The following CD44 variants were observed in gnomAD, a reference collection of about 807,000 sequenced individuals.
CD44 encodes the protein CD44 antigen.
Under a neutral mutation model 88.8 loss-of-function variants are expected in CD44, and 49 were observed. The observed-to-expected ratio is 0.55, with a 90% CI of 0.44 to 0.70. The LOEUF is 0.70. Among genes scored for constraint, CD44 ranks in the 30% least tolerant of loss-of-function variants. CD44 has a pLI of 0.00. For synonymous variants in CD44, 325 were observed against 312.3 expected (o/e 1.04, Z -0.43); for missense variants, 883 against 913.8 (o/e 0.97, Z 0.43).
intron 2 of CD44, among the ~76,000 whole-genome samples, chr11:35,178,086 A>C (rs551175436): frequency 6.6e-6 from 1 of 152,244 alleles, no homozygotes; most frequent in Non-Finnish European, 1.5e-5. Context: ...CTGAACTTGC[A>C]CTGTAGGATG....
At chr11:35,209,468 T>C (rs1270191497) in intron 12 of CD44, among the ~76,000 whole-genome samples, 1 of 152,200 alleles carries the variant, frequency 6.6e-6, no homozygotes, top group Non-Finnish European at 1.5e-5. Flanking sequence ...CTGTGTTACT[T>C]GAGTAGGCTA....
At chr11:35,143,493 A>G (rs759112338) in intron 1 of CD44, among the ~76,000 whole-genome samples, 1 of 152,092 alleles carries the variant, frequency 6.6e-6, no homozygotes, top group Non-Finnish European at 1.5e-5. Context: ...TGGAGATGGC[A>G]TGACTTGCCC....
chr11:35,157,058 G>A (rs1941961015), intron 1 of CD44, among the ~76,000 whole-genome samples: 1 of 152,096 alleles, frequency 6.6e-6, no homozygotes, highest in Non-Finnish European at 1.5e-5. Flanking sequence ...AAAAGAAATA[G>A]CCTGTCTACT....
chr11:35,194,266 T>C (rs1946529325), intron 5 of CD44, among the ~76,000 whole-genome samples: 1 of 152,310 alleles, frequency 6.6e-6, no homozygotes, highest in Non-Finnish European at 1.5e-5. Context: ...CCTAAGATTG[T>C]GGGAGACATT....
At chr11:35,176,183 C>T (rs1391608328) in intron 1 of CD44, among the ~76,000 whole-genome samples, 1 of 152,046 alleles carries the variant, frequency 6.6e-6, no homozygotes, top group Non-Finnish European at 1.5e-5. Context: ...GCTGGGACTA[C>T]AGGCGCCCGC....
At chr11:35,190,994 T>C (rs188715138) in intron 5 of CD44, among the ~76,000 whole-genome samples, 13 of 152,344 alleles carry the variant, frequency 8.5e-5, no homozygotes, top group Admixed American at 7.2e-4. Context: ...TTTTCTTCTA[T>C]GGTTTGTTTT....
At chr11:35,223,023 G>T (rs1330671234) in intron 17 of CD44, 1 of 985,236 alleles carries the variant, frequency 1.0e-6, no homozygotes, top group Non-Finnish European at 1.2e-6. Flanking sequence ...AAATGATGCT[G>T]TTACAATAAT....
At chr11:35,224,312 T>C (rs1949537075) in intron 17 of CD44, among the ~76,000 whole-genome samples, 1 of 152,224 alleles carries the variant, frequency 6.6e-6, no homozygotes, top group African/African-American at 2.4e-5. Context: ...TCATGTCACC[T>C]GACTCCTTGA....
chr11:35,171,421 G>A (rs1361814524), intron 1 of CD44, among the ~76,000 whole-genome samples: 2 of 152,152 alleles, frequency 1.3e-5, no homozygotes, highest in Non-Finnish European at 1.5e-5. Flanking sequence ...TTTTTACTTT[G>A]CATAGGATTT....
intron 1 of CD44, among the ~76,000 whole-genome samples, chr11:35,149,644 T>C (rs1230692558): frequency 6.6e-6 from 1 of 152,234 alleles, no homozygotes; most frequent in African/African-American, 2.4e-5. Flanking sequence ...GAGGGTTGGA[T>C]TCTAGTTGAT....
At chr11:35,182,944 T>C (rs975060173) in intron 3 of CD44, among the ~76,000 whole-genome samples, 1 of 152,176 alleles carries the variant, frequency 6.6e-6, no homozygotes, top group African/African-American at 2.4e-5. Flanking sequence ...ATCGAAGCCA[T>C]CTAGGCAGGC....
At chr11:35,191,557 G>A (rs907580366) in intron 5 of CD44, among the ~76,000 whole-genome samples, 6 of 152,230 alleles carry the variant, frequency 3.9e-5, no homozygotes, top group East Asian at 1.9e-4. Context: ...TAACCATGTC[G>A]AAGGTGCTTA....
intron 1 of CD44, among the ~76,000 whole-genome samples, chr11:35,142,725 T>C (rs1398527493): frequency 2.0e-5 from 3 of 152,224 alleles, no homozygotes; most frequent in African/African-American, 7.2e-5. Flanking sequence ...TGTGGGAGGC[T>C]GGCAGCCAGT....
intron 17 of CD44, among the ~76,000 whole-genome samples, chr11:35,225,057 T>C (rs929562051): frequency 7.9e-6 from 1 of 126,166 alleles, no homozygotes; most frequent in Non-Finnish European, 1.9e-5. Flanking sequence ...ATGATGGAAA[T>C]ATTCTATACC....
intron 1 of CD44, among the ~76,000 whole-genome samples, chr11:35,145,408 C>T (rs1858924071): frequency 6.6e-6 from 1 of 152,148 alleles, no homozygotes; most frequent in East Asian, 1.9e-4. Flanking sequence ...TTGCTCAGGA[C>T]AGGGCTGACT....
intron 1 of CD44, among the ~76,000 whole-genome samples, chr11:35,153,989 G>A (rs1053921686): frequency 3.9e-5 from 6 of 152,194 alleles, no homozygotes; most frequent in African/African-American, 1.4e-4. Flanking sequence ...TGTCTGCCCT[G>A]TAATAGTGGT....
At chr11:35,163,294 T>C (rs553983432) in intron 1 of CD44, among the ~76,000 whole-genome samples, 3 of 151,966 alleles carry the variant, frequency 2.0e-5, no homozygotes, top group African/African-American at 7.2e-5. Context: ...TGGTTGTTCC[T>C]AGAAAAACAT....
intron 17 of CD44, among the ~76,000 whole-genome samples, chr11:35,228,238 T>TCTTAAGACCCAAACATA (rs1264333667): frequency 1.3e-5 from 2 of 152,222 alleles, no homozygotes; most frequent in African/African-American, 2.4e-5. Context: ...TGCGTTTGGG[T>TCTTAAGACCCAAACATA]CTTAAGTAAT....
At chr11:35,204,268 A>T (rs963596217) in intron 9 of CD44, among the ~76,000 whole-genome samples, 3 of 152,226 alleles carry the variant, frequency 2.0e-5, no homozygotes, top group Non-Finnish European at 2.9e-5. Flanking sequence ...TGGTCTGCTT[A>T]GTCCTATGAT....
Sources: gnomAD v4.1 joint callset for allele counts (sites outside exome capture counted in the v4.1 genomes callset) on GRCh38, gnomAD v4.1.1 for gene constraint, MANE v1.5 for transcripts, NCBI Gene and HGNC (gene_info 2026-07-23, HGNC 2026-07-21) for gene names.